CCSER1: variants seen among roughly 807,000 people sequenced by gnomAD.
CCSER1 encodes the protein serine-rich coiled-coil domain-containing protein 1.
CCSER1 carries 41 observed loss-of-function variants against 82.0 expected under a neutral mutation model. The ratio of observed to expected loss-of-function variants is 0.50; its 90% CI spans 0.39 to 0.65. The LOEUF is 0.65. CCSER1 is among the 30% of genes least tolerant of loss of function. The probability of loss-of-function intolerance (pLI) is 0.00; values close to 1 mark genes in which losing one functional copy is unlikely to be tolerated. For missense variants in CCSER1, 1,119 were observed against 1,064.2 expected, an observed-to-expected ratio of 1.05 and a Z score of -0.72; for synonymous variants, 414 against 383.9, an observed-to-expected ratio of 1.08 and a Z score of -0.92.
chr4:91,551,489 G>C (rs936963920), intron 10 of CCSER1, among the ~76,000 whole-genome samples: 3 of 152,008 alleles, frequency 2.0e-5, no homozygotes, highest in Non-Finnish European at 4.4e-5. Flanking sequence ...TTTTATTGTA[G>C]GTAAAGTTGA....
intron 4 of CCSER1, among the ~76,000 whole-genome samples, chr4:90,455,222 T>G (rs1233953961): frequency 6.6e-6 from 1 of 152,244 alleles, no homozygotes; most frequent in Non-Finnish European, 1.5e-5. Flanking sequence ...GGTATTAAAA[T>G]TAATACTTCA....
intron 8 of CCSER1, among the ~76,000 whole-genome samples, chr4:90,865,237 G>C (rs1458755860): frequency 1.3e-5 from 2 of 151,994 alleles, no homozygotes; most frequent in Non-Finnish European, 2.9e-5. Flanking sequence ...ATTGTCTTCA[G>C]ATGATCACTC....
intron 10 of CCSER1, among the ~76,000 whole-genome samples, chr4:91,549,936 T>G (rs927945156): frequency 1.3e-5 from 2 of 151,588 alleles, no homozygotes. Flanking sequence ...TTTTTTTTTT[T>G]CCTTCCTGCA....
intron 10 of CCSER1, among the ~76,000 whole-genome samples, chr4:91,181,287 G>A (rs1349030411): frequency 6.6e-6 from 1 of 152,188 alleles, no homozygotes; most frequent in African/African-American, 2.4e-5. Context: ...CACATCTGCA[G>A]ACTACCCAAA....
chr4:90,935,768 G>A (rs1192815527), intron 9 of CCSER1, among the ~76,000 whole-genome samples: 1 of 152,052 alleles, frequency 6.6e-6, no homozygotes, highest in Non-Finnish European at 1.5e-5. Context: ...TAGATGTAAT[G>A]AAAACTTATT....
intron 10 of CCSER1, among the ~76,000 whole-genome samples, chr4:91,294,504 C>T (rs1744010708): frequency 6.6e-6 from 1 of 151,780 alleles, no homozygotes; most frequent in Non-Finnish European, 1.5e-5. Context: ...TGGCTTAAAA[C>T]AACACAAATA....
chr4:90,132,044 A>C (rs1050541447), intron 1 of CCSER1, among the ~76,000 whole-genome samples: 7 of 152,226 alleles, frequency 4.6e-5, no homozygotes, highest in Non-Finnish European at 8.8e-5. Flanking sequence ...ACCAAATGGA[A>C]TTACTTTCAG....
At chr4:90,545,057 T>G (rs1776596010) in intron 5 of CCSER1, among the ~76,000 whole-genome samples, 1 of 152,170 alleles carries the variant, frequency 6.6e-6, no homozygotes, top group South Asian at 2.1e-4. Context: ...GCTAGTGCTT[T>G]GCATTTGATA....
intron 7 of CCSER1, among the ~76,000 whole-genome samples, chr4:90,803,271 C>T (rs62314106): frequency 6.6e-6 from 1 of 152,166 alleles, no homozygotes; most frequent in Non-Finnish European, 1.5e-5. Context: ...ATGCAGTTTT[C>T]TTACACAGGT....
intron 10 of CCSER1, among the ~76,000 whole-genome samples, chr4:91,524,473 G>A (rs1408461934): frequency 1.3e-5 from 2 of 152,190 alleles, no homozygotes; most frequent in African/African-American, 4.8e-5. Flanking sequence ...CTCCTAGCAT[G>A]TACTGAACAT....
intron 1 of CCSER1, among the ~76,000 whole-genome samples, chr4:90,279,230 A>C (rs1283099026): frequency 1.3e-5 from 2 of 152,066 alleles, no homozygotes. Context: ...TAATATACAG[A>C]TATACGGACA....
At chr4:91,513,694 A>G (rs1759948969) in intron 10 of CCSER1, among the ~76,000 whole-genome samples, 1 of 152,090 alleles carries the variant, frequency 6.6e-6, no homozygotes, top group African/African-American at 2.4e-5. Context: ...ATTTTGTGAG[A>G]TAGTGTGTTT....
chr4:90,701,016 T>G (rs1365019095), intron 6 of CCSER1, among the ~76,000 whole-genome samples: 1 of 152,230 alleles, frequency 6.6e-6, no homozygotes, highest in Non-Finnish European at 1.5e-5. Flanking sequence ...TTTTGGCTTT[T>G]GTTGCCATTG....
At chr4:91,144,276 G>T (rs901860916) in intron 10 of CCSER1, among the ~76,000 whole-genome samples, 5 of 151,544 alleles carry the variant, frequency 3.3e-5, no homozygotes, top group Non-Finnish European at 5.9e-5. Context: ...GGTCTCTGAG[G>T]ATCTTTTGCA....
intron 5 of CCSER1, among the ~76,000 whole-genome samples, chr4:90,506,560 C>T (rs561205917): frequency 3.4e-4 from 52 of 152,008 alleles, no homozygotes; most frequent in African/African-American, 9.6e-4. Context: ...CTCAGGAGTT[C>T]GAGACCAGCC....
At chr4:90,947,821 G>T (rs982624154) in intron 9 of CCSER1, among the ~76,000 whole-genome samples, 1 of 152,044 alleles carries the variant, frequency 6.6e-6, no homozygotes, top group Non-Finnish European at 1.5e-5. Context: ...TGACTTTCCT[G>T]TTCCCAAACA....
rs180890714 is a variant in CCSER1 at position 90,477,052 on chromosome 4, A to G, written c.1724+8698A>G. Among the ~76,000 whole-genome samples, 9 of 152,300 alleles carry G rather than the reference A, an allele frequency of 5.9e-5. No homozygotes were observed. The East Asian group carries it at 1.7e-3, about 29-fold the overall frequency. ...TGAAAGTAGCTCTTATGTGTGCAGA[A>G]AAAGCATGGTGCCAACTTTCAATTC... On this transcript the variant is annotated intron_variant, in intron 5 of 10. Coordinates refer to ENST00000509176, the MANE Select transcript of CCSER1 (RefSeq NM_001145065.2).
chr4:90,160,265 C>T (rs1192749400), intron 1 of CCSER1, among the ~76,000 whole-genome samples: 1 of 152,180 alleles, frequency 6.6e-6, no homozygotes. Flanking sequence ...GACAGTCTGT[C>T]TGGAGGTCAG....
chr4:91,545,807 G>A (rs6532317), intron 10 of CCSER1, among the ~76,000 whole-genome samples: 81,742 of 151,808 alleles, frequency 0.54, 22,219 homozygotes, highest in East Asian at 0.61. Context: ...GCATTAGTAG[G>A]ACTTCTAGTA....
Sources: allele counts gnomAD v4.1 joint callset (sites outside exome capture counted in the v4.1 genomes callset), GRCh38; gene constraint gnomAD v4.1.1; transcripts MANE v1.5; gene names NCBI Gene and HGNC (gene_info 2026-07-23, HGNC 2026-07-21).